The following MSN variants were observed in gnomAD, a reference collection of about 807,000 sequenced individuals.
The protein encoded by MSN is epididymis luminal protein 70.
MSN carries 2 observed loss-of-function variants against 48.0 expected under a neutral mutation model. The observed-to-expected ratio is 0.04, with a 90% CI of 0.02 to 0.13. MSN has a LOEUF of 0.13. Among genes scored for constraint, MSN ranks in the 10% least tolerant of loss-of-function variants. MSN has a pLI of 1.00. For missense variants in MSN, 267 were observed against 470.1 expected, an observed-to-expected ratio of 0.57 and a Z score of 3.99; for synonymous variants, 146 against 166.9, an observed-to-expected ratio of 0.87 and a Z score of 0.97.
At chrX:65,590,617 T>C (rs993144646) in intron 1 of MSN, among the ~76,000 whole-genome samples, 43 of 111,667 alleles carry the variant, frequency 3.9e-4, no homozygotes, top group African/African-American at 1.4e-3. Flanking sequence ...AAGCCAAGGA[T>C]GGAAGTATAG....
intron 1 of MSN, among the ~76,000 whole-genome samples, chrX:65,695,369 A>AGG (rs2071223833): frequency 9.1e-6 from 1 of 109,672 alleles, no homozygotes; most frequent in Non-Finnish European, 1.9e-5. Flanking sequence ...GCGTGGTGGC[A>AGG]CATGCCTGTG....
At chrX:65,708,458 A>G (rs889062529) in intron 1 of MSN, among the ~76,000 whole-genome samples, 2 of 109,114 alleles carry the variant, frequency 1.8e-5, no homozygotes, top group Admixed American at 9.9e-5. Flanking sequence ...ATGCCCAGCT[A>G]ATTTTTGTAT....
chrX:65,610,174 T>TG (rs1382467930), intron 1 of MSN, among the ~76,000 whole-genome samples: 1 of 111,947 alleles, frequency 8.9e-6, no homozygotes, highest in Non-Finnish European at 1.9e-5. Context: ...TTCACAGTGT[T>TG]GTGCAACCAT....
rs182572719 is a variant in MSN at position 65,719,255 on chromosome X, C to T, written c.96+2354C>T. On this transcript the variant is annotated intron_variant, in intron 2 of 12. Transcript: ENST00000360270. ...TGTAGGGTTGGCTCTATCACTAATTCGCTGTGATACAAACGTTTCCCTTAT... is the reference window on the plus strand; with the variant it reads ...TGTAGGGTTGGCTCTATCACTAATTTGCTGTGATACAAACGTTTCCCTTAT... 2.8e-4 allele frequency among the ~76,000 whole-genome samples: 31 copies of T among 112,159 alleles called. 1 individual carries two copies. In the South Asian group the frequency reaches 8.5e-3, roughly 31 times the overall value.
In MSN at chrX:65,731,821, A is replaced by G; in HGVS notation, c.552-17A>G. The G allele has an allele frequency of 8.3e-7, 1 of 1,203,981 alleles. No homozygotes were observed. The highest frequency in any genetic ancestry group is 1.1e-6 in the Non-Finnish European group (1 of 891,938). On this transcript the variant is annotated splice_polypyrimidine_tract_variant and intron_variant, in intron 5 of 12. Transcript: ENST00000360270. The stretch of plus-strand genomic sequence containing the variant: ...TCACAAGCCCCACTTTGTGACCCCC[A>G]ACTCTGTGTCATTTAGGGAGGATGC...
chrX:65,641,576 ATATATATATATATATATATATATATT>A (rs2070652782), intron 1 of MSN, among the ~76,000 whole-genome samples: 1 of 67,527 alleles, frequency 1.5e-5, no homozygotes, highest in African/African-American at 6.0e-5. Context: ...ATATATATAT[ATATATATATATATATATATATATATT>A]TTAGCATATT....
At chrX:65,705,507 C>T (rs1228538046) in intron 1 of MSN, among the ~76,000 whole-genome samples, 3 of 111,639 alleles carry the variant, frequency 2.7e-5, no homozygotes, top group African/African-American at 3.3e-5. Flanking sequence ...CTGACTTTCA[C>T]GTGTGGAGAG....
intron 1 of MSN, among the ~76,000 whole-genome samples, chrX:65,612,897 T>C (rs1255625624): frequency 1.9e-5 from 2 of 107,952 alleles, no homozygotes; most frequent in Non-Finnish European, 3.8e-5. Context: ...TTTTTTTATA[T>C]ATACTTTAAG....
At position 65,735,842 on chromosome X, in the gene MSN, A is replaced by G. The variant is rs187666399; in HGVS notation, c.959+412A>G. 2.2e-3 allele frequency among the ~76,000 whole-genome samples: 249 copies of G among 112,283 alleles called. 1 individual carries two copies. Among genetic ancestry groups the G allele is most frequent in the African/African-American group, 7.5e-3 (233 of 30,903 alleles). On this transcript the variant is annotated intron_variant, in intron 8 of 12. Coordinates refer to ENST00000360270, the MANE Select transcript of MSN (RefSeq NM_002444.3). The stretch of plus-strand genomic sequence containing the variant: ...AATAAATAAGCAAATTATGTGGTAC[A>G]TAAGATGGTTAAGAAGTGCTATGGA...
chrX:65,639,423 G>A (rs1435701328), intron 1 of MSN, among the ~76,000 whole-genome samples: 1 of 112,483 alleles, frequency 8.9e-6, no homozygotes, highest in African/African-American at 3.2e-5. Context: ...GGGATTACAG[G>A]CGTGAGCCAC....
intron 1 of MSN, among the ~76,000 whole-genome samples, chrX:65,692,953 A>G (rs1204896830): frequency 8.9e-6 from 1 of 112,233 alleles, no homozygotes; most frequent in Non-Finnish European, 1.9e-5. Context: ...TTTTTTTAAA[A>G]AAGAAAAAAG....
intron 1 of MSN, among the ~76,000 whole-genome samples, chrX:65,611,960 A>C (rs1206684485): frequency 5.4e-5 from 6 of 112,065 alleles, no homozygotes; most frequent in Admixed American, 4.8e-4. Flanking sequence ...AATGACTAAA[A>C]ATGTTGAGCA....
At chrX:65,627,806 C>A (rs2070520248) in intron 1 of MSN, among the ~76,000 whole-genome samples, 1 of 112,005 alleles carries the variant, frequency 8.9e-6, no homozygotes, top group African/African-American at 3.2e-5. Flanking sequence ...TGCCTATAAG[C>A]CTGTACAATC....
At chrX:65,648,948 T>C (rs1330528074) in intron 1 of MSN, among the ~76,000 whole-genome samples, 1 of 109,237 alleles carries the variant, frequency 9.2e-6, no homozygotes, top group African/African-American at 3.3e-5. Flanking sequence ...TGACTGGAAA[T>C]GAGAGGTAAG....
intron 1 of MSN, among the ~76,000 whole-genome samples, chrX:65,658,103 A>G (rs1029121265): frequency 8.9e-6 from 1 of 111,828 alleles, no homozygotes; most frequent in Non-Finnish European, 1.9e-5. Flanking sequence ...TTTTTTCCTA[A>G]GAAGTAGCTA....
chrX:65,680,759 G>GT (rs948158233), intron 1 of MSN, among the ~76,000 whole-genome samples: 7 of 109,882 alleles, frequency 6.4e-5, no homozygotes, highest in African/African-American at 2.3e-4. Context: ...GTTTTGTTTT[G>GT]TTTTTTTGAG....
At chrX:65,733,516 G>A in intron 7 of MSN, among the ~76,000 whole-genome samples, 1 of 112,366 alleles carries the variant, frequency 8.9e-6, no homozygotes, top group Non-Finnish European at 1.9e-5. Context: ...CTCTCTCACT[G>A]TGGATGTGGG....
At chrX:65,698,051 C>A (rs1423107410) in intron 1 of MSN, among the ~76,000 whole-genome samples, 1 of 111,744 alleles carries the variant, frequency 8.9e-6, no homozygotes, top group Non-Finnish European at 1.9e-5. Flanking sequence ...CTTAGGCAGC[C>A]GCGTGTTCTC....
At chrX:65,699,251 G>T (rs1000185662) in intron 1 of MSN, among the ~76,000 whole-genome samples, 1 of 111,888 alleles carries the variant, frequency 8.9e-6, no homozygotes, top group South Asian at 3.7e-4. Flanking sequence ...GTAAATATCC[G>T]AAGTTTACTG....
Sources: gnomAD v4.1 joint callset for allele counts (sites outside exome capture counted in the v4.1 genomes callset) on GRCh38, gnomAD v4.1.1 for gene constraint, MANE v1.5 for transcripts, NCBI Gene and HGNC (gene_info 2026-07-23, HGNC 2026-07-21) for gene names.